Variants in VSTM2A observed in about 807,000 individuals in gnomAD.
VSTM2A encodes V-set and transmembrane domain-containing protein 2A.
In VSTM2A, 13 loss-of-function variants were observed where a neutral mutation model predicts 27.3. That is an observed-to-expected ratio of 0.48 (90% CI 0.31 to 0.76). VSTM2A has a LOEUF of 0.76. Among genes scored for constraint, VSTM2A ranks in the 30% least tolerant of loss-of-function variants. The probability of loss-of-function intolerance (pLI) is 0.05; values close to 1 mark genes in which losing one functional copy is unlikely to be tolerated. For missense variants in VSTM2A, 280 were observed against 310.0 expected, an observed-to-expected ratio of 0.90 and a Z score of 0.73; for synonymous variants, 142 against 125.7, an observed-to-expected ratio of 1.13 and a Z score of -0.87.
At chr7:54,566,806 G>A (rs767979636) in intron 4 of VSTM2A, among the ~76,000 whole-genome samples, 3 of 152,162 alleles carry the variant, frequency 2.0e-5, no homozygotes, top group South Asian at 2.1e-4. Flanking sequence ...CGGTCCTGAC[G>A]GCAATCCTGG....
At chr7:54,544,856 C>A (rs2115757125) in intron 2 of VSTM2A, 68 bp downstream of exon 2, 1 of 1,492,854 alleles carries the variant, frequency 6.7e-7, no homozygotes, top group Non-Finnish European at 8.9e-7. Flanking sequence ...CGGCCCGGGG[C>A]TGGGGGCCGA....
intron 4 of VSTM2A, among the ~76,000 whole-genome samples, chr7:54,568,282 C>T (rs1788783837): frequency 6.6e-6 from 1 of 152,228 alleles, no homozygotes; most frequent in South Asian, 2.1e-4. Flanking sequence ...TTTCCCCACA[C>T]TTACCCCCTT....
At chr7:54,553,947 T>C in intron 4 of VSTM2A, 1 of 1,551,876 alleles carries the variant, frequency 6.4e-7, no homozygotes, top group African/African-American at 1.4e-5. Flanking sequence ...GTCTTCACTT[T>C]TTTCTACTGA....
chr7:54,554,406 T>G (rs1454442844), intron 4 of VSTM2A, among the ~76,000 whole-genome samples: 1 of 152,156 alleles, frequency 6.6e-6, no homozygotes, highest in African/African-American at 2.4e-5. Flanking sequence ...ATTGTTCGAG[T>G]CACCTTTGTA....
chr7:54,550,315 AC>A, intron 4 of VSTM2A, 145 bp downstream of exon 4: 2 of 1,479,480 alleles, frequency 1.4e-6, no homozygotes, highest in Non-Finnish European at 1.8e-6. Context: ...AGAGGTGAGC[AC>A]CGAGCCTGCA....
chr7:54,565,317 A>C (rs1363447497), intron 4 of VSTM2A, among the ~76,000 whole-genome samples: 1 of 152,192 alleles, frequency 6.6e-6, no homozygotes, highest in East Asian at 1.9e-4. Flanking sequence ...AACCAATATG[A>C]TGGAGGCACA....
At chr7:54,544,288 T>C (rs1357447941) in intron 1 of VSTM2A, among the ~76,000 whole-genome samples, 1 of 152,234 alleles carries the variant, frequency 6.6e-6, no homozygotes, top group African/African-American at 2.4e-5. Context: ...AAATTGTATC[T>C]CACTGACTCT....
intron 2 of VSTM2A, 149 bp from the exon 3 acceptor site, chr7:54,546,798 C>A: frequency 3.5e-6 from 3 of 856,606 alleles, no homozygotes; most frequent in Admixed American, 2.9e-5. Flanking sequence ...GCGGTCTGGG[C>A]CTGGACAGGG....
chr7:54,554,103 A>G (rs1788277687), intron 4 of VSTM2A: 3 of 1,549,812 alleles, frequency 1.9e-6, no homozygotes, highest in Non-Finnish European at 2.6e-6. Context: ...CGCACTCCCA[A>G]AGCTGTCATG....
chr7:54,549,271 T>G (rs896828284), intron 3 of VSTM2A, among the ~76,000 whole-genome samples: 2 of 152,138 alleles, frequency 1.3e-5, no homozygotes, highest in Admixed American at 1.3e-4. Context: ...ACCCTATGAC[T>G]AGAGGCAAGA....
At chr7:54,563,399 A>G (rs879756998) in intron 4 of VSTM2A, among the ~76,000 whole-genome samples, 3 of 152,190 alleles carry the variant, frequency 2.0e-5, no homozygotes, top group Admixed American at 2.0e-4. Flanking sequence ...AGAAATCGTA[A>G]GTGTTCAAAA....
At chr7:54,548,100 T>C (rs575368570) in intron 3 of VSTM2A, among the ~76,000 whole-genome samples, 21 of 152,320 alleles carry the variant, frequency 1.4e-4, no homozygotes, top group African/African-American at 5.1e-4. Context: ...TTTTTCTTAA[T>C]TATTTTATTT....
chr7:54,550,142 CA>C lies in VSTM2A; in HGVS notation c.610del (p.Ile204SerfsTer15), dbSNP rs767892219. 1.2e-6 allele frequency: 2 copies of C among 1,602,266 alleles called. No individual in the cohort carries two copies. The highest frequency in any genetic ancestry group is 1.7e-6 in the Non-Finnish European group (2 of 1,174,574). On this transcript the variant is annotated frameshift_variant, in exon 4 of 5. Coordinates refer to ENST00000402613, the MANE Select transcript of VSTM2A (RefSeq NM_001301009.2). LOFTEE classifies it high-confidence loss of function. The stretch of plus-strand genomic sequence containing the variant: ...CCACCTCCAGCCCTCAAGTGGTAGC[CA>C]AAATCCCCAAACAAAGTCCACAATC... ...HSTSSPQVVA[K>X]IPKQSPQSAK...
chr7:54,560,411 T>A (rs751983348), intron 4 of VSTM2A, among the ~76,000 whole-genome samples: 1 of 152,136 alleles, frequency 6.6e-6, no homozygotes, highest in Non-Finnish European at 1.5e-5. Flanking sequence ...TTCATATTGA[T>A]TAAATAAATC....
intron 4 of VSTM2A, chr7:54,554,164 C>A: frequency 6.6e-7 from 1 of 1,509,482 alleles, no homozygotes; most frequent in Non-Finnish European, 8.9e-7. Context: ...CACATCTCGT[C>A]CTTCCCAGTC....
chr7:54,546,599 C>A (rs1787993632), intron 2 of VSTM2A: 1 of 203,744 alleles, frequency 4.9e-6, no homozygotes, highest in South Asian at 1.9e-4. Flanking sequence ...GGCGCGCGTC[C>A]GCACGGGTCA....
chr7:54,556,820 A>G (rs1788375665), intron 4 of VSTM2A: 1 of 152,214 alleles, frequency 6.6e-6, no homozygotes, highest in Non-Finnish European at 1.5e-5. Context: ...ATTTGGGCCT[A>G]TGATATCAAG....
intron 4 of VSTM2A, among the ~76,000 whole-genome samples, chr7:54,567,419 A>C (rs972655871): frequency 2.0e-5 from 3 of 152,164 alleles, no homozygotes; most frequent in African/African-American, 7.2e-5. Context: ...TTTAACTTGC[A>C]CATGCTGGAT....
intron 4 of VSTM2A, among the ~76,000 whole-genome samples, chr7:54,566,425 T>G (rs1236932860): frequency 6.6e-6 from 1 of 152,144 alleles, no homozygotes; most frequent in Admixed American, 6.5e-5. Context: ...ACAAATATGA[T>G]TAATTACACA....
Sources: allele counts gnomAD v4.1 joint callset (sites outside exome capture counted in the v4.1 genomes callset), GRCh38; gene constraint gnomAD v4.1.1; transcripts MANE v1.5; gene names NCBI Gene and HGNC (gene_info 2026-07-23, HGNC 2026-07-21).